CSTPP1: variants seen among roughly 807,000 people sequenced by gnomAD.
CSTPP1 encodes the protein centriolar satellite-associated tubulin polyglutamylase complex regulator 1.
At chr11:47,008,889 G>A in the CSTPP1 span, among the ~76,000 whole-genome samples, 14 of 152,022 alleles carry the variant, frequency 9.2e-5, no homozygotes, top group Admixed American at 9.2e-4. Context: ...AAATTAGCTG[G>A]GCGTAGTGGC....
At chr11:47,119,607 T>C in the CSTPP1 span, among the ~76,000 whole-genome samples, 12 of 136,692 alleles carry the variant, frequency 8.8e-5, no homozygotes, top group South Asian at 7.5e-4. Context: ...CACTTCTTTT[T>C]TTTTTTTTTT....
At chr11:47,035,945 A>C in the CSTPP1 span, among the ~76,000 whole-genome samples, 1 of 149,708 alleles carries the variant, frequency 6.7e-6, no homozygotes, top group South Asian at 2.1e-4. Flanking sequence ...GTATCTGCTC[A>C]TCTGAGAAAA....
At chr11:46,959,502 C>CA in the CSTPP1 span, among the ~76,000 whole-genome samples, 1 of 152,142 alleles carries the variant, frequency 6.6e-6, no homozygotes, top group African/African-American at 2.4e-5. Context: ...AGTAACTTTA[C>CA]TATGTAAGGT....
chr11:47,057,347 A>G, the CSTPP1 span, among the ~76,000 whole-genome samples: 1 of 152,142 alleles, frequency 6.6e-6, no homozygotes, highest in East Asian at 1.9e-4. Flanking sequence ...TGCCTTCTCC[A>G]AGTTTATTTT....
the CSTPP1 span, among the ~76,000 whole-genome samples, chr11:46,962,919 A>G: frequency 1.3e-5 from 2 of 151,862 alleles, no homozygotes; most frequent in African/African-American, 4.8e-5. Flanking sequence ...ACATTACTGC[A>G]CTCCAGCCTG....
chr11:46,947,166 A>T, the CSTPP1 span, among the ~76,000 whole-genome samples: 1 of 152,220 alleles, frequency 6.6e-6, no homozygotes, highest in Admixed American at 6.5e-5. Context: ...CCAATATTTT[A>T]AAAAGGAAGG....
the CSTPP1 span, among the ~76,000 whole-genome samples, chr11:46,976,548 A>G: frequency 1.4e-4 from 21 of 152,164 alleles, no homozygotes; most frequent in African/African-American, 4.6e-4. Context: ...CTAAGCTTCA[A>G]TTTCCTCTGC....
chr11:47,082,561 T>C, the CSTPP1 span, among the ~76,000 whole-genome samples: 2 of 152,192 alleles, frequency 1.3e-5, no homozygotes, highest in African/African-American at 4.8e-5. Flanking sequence ...TGAGATATAA[T>C]TTATATACCA....
At chr11:47,011,435 A>C in the CSTPP1 span, among the ~76,000 whole-genome samples, 4 of 152,212 alleles carry the variant, frequency 2.6e-5, no homozygotes, top group African/African-American at 4.8e-5. Context: ...GTAGATGAAA[A>C]TAGAGATTCT....
chr11:47,156,861 G>A, the CSTPP1 span, among the ~76,000 whole-genome samples: 1 of 152,228 alleles, frequency 6.6e-6, no homozygotes, highest in African/African-American at 2.4e-5. Flanking sequence ...TCAATGTGTT[G>A]TCAAACAAGG....
the CSTPP1 span, among the ~76,000 whole-genome samples, chr11:46,976,100 G>A: frequency 6.9e-4 from 105 of 152,288 alleles, 1 homozygote; most frequent in African/African-American, 2.4e-3. Flanking sequence ...CCTAGGAAGA[G>A]AGATGTGATT....
the CSTPP1 span, among the ~76,000 whole-genome samples, chr11:46,951,002 C>CA: frequency 1.3e-5 from 2 of 152,248 alleles, no homozygotes; most frequent in African/African-American, 4.8e-5. Context: ...CTGAAGGAGA[C>CA]AGCAGTCTCG....
the CSTPP1 span, among the ~76,000 whole-genome samples, chr11:47,132,432 A>C: frequency 1.3e-5 from 2 of 152,258 alleles, no homozygotes; most frequent in African/African-American, 4.8e-5. Flanking sequence ...AAATAATGCT[A>C]CCACTTATTG....
the CSTPP1 span, among the ~76,000 whole-genome samples, chr11:47,107,544 C>T: frequency 6.6e-6 from 1 of 151,932 alleles, no homozygotes; most frequent in Non-Finnish European, 1.5e-5. Flanking sequence ...AGTTGTTTTG[C>T]TTTGGTTTTT....
chr11:47,082,054 G>A, the CSTPP1 span, among the ~76,000 whole-genome samples: 5 of 150,610 alleles, frequency 3.3e-5, no homozygotes, highest in African/African-American at 1.2e-4. Flanking sequence ...AAAGGCTGAG[G>A]TGAGGGGATC....
At chr11:47,131,774 C>T in the CSTPP1 span, among the ~76,000 whole-genome samples, 1 of 151,910 alleles carries the variant, frequency 6.6e-6, no homozygotes, top group African/African-American at 2.4e-5. Context: ...GTCAGGAGTT[C>T]GAGACCAGCC....
chr11:47,035,183 A>G, the CSTPP1 span, among the ~76,000 whole-genome samples: 1 of 152,196 alleles, frequency 6.6e-6, no homozygotes, highest in Non-Finnish European at 1.5e-5. Context: ...CTTACCTTAG[A>G]TTCATTTATC....
the CSTPP1 span, among the ~76,000 whole-genome samples, chr11:46,992,388 C>T: frequency 9.5e-6 from 1 of 105,286 alleles, no homozygotes; most frequent in Admixed American, 1.3e-4. Context: ...TCCCTTCCCC[C>T]TCCCCCCACC....
At chr11:47,048,924 C>G in the CSTPP1 span, among the ~76,000 whole-genome samples, 4 of 152,144 alleles carry the variant, frequency 2.6e-5, no homozygotes, top group Non-Finnish European at 5.9e-5. Context: ...GATGAGAAGA[C>G]TGCACATAAG....
Sources: allele counts gnomAD v4.1 joint callset (sites outside exome capture counted in the v4.1 genomes callset), GRCh38; gene constraint gnomAD v4.1.1; transcripts MANE v1.5; gene names NCBI Gene and HGNC (gene_info 2026-07-23, HGNC 2026-07-21).